Variants in C2 observed in about 807,000 individuals in gnomAD.
C2 encodes the protein C3/C5 convertase.
Under a neutral mutation model 85.2 loss-of-function variants are expected in C2, and 64 were observed. The observed-to-expected ratio is 0.75, with a 90% CI of 0.61 to 0.92. The LOEUF (loss-of-function observed/expected upper bound fraction) is 0.92, where lower values mean the gene tolerates loss of function less well. C2 is among the 40% of genes least tolerant of loss of function. C2 has a pLI of 0.00. For missense variants in C2, 820 were observed against 971.6 expected (o/e 0.84, Z 2.07); for synonymous variants, 311 against 370.8 (o/e 0.84, Z 1.85).
intron 3 of C2, among the ~76,000 whole-genome samples, chr6:31,931,935 CG>C (rs1354975756): frequency 1.1e-5 from 1 of 90,538 alleles, no homozygotes; most frequent in African/African-American, 3.1e-5. Context: ...GCTGGCCGGG[CG>C]GGGGGCTGAT....
Position 31,937,543 on chromosome 6 carries a change from C to T in C2, c.1129+84C>T, listed in dbSNP as rs543865221. 7.4e-5 allele frequency: 114 copies of T among 1,539,084 alleles called. 2 individuals carry two copies. The South Asian group carries it at 1.3e-3, about 17-fold the overall frequency. ...CAGAAGCCCTGAATTCTGATTCTCC[C>T]TCTGCCTGCCACTTTGGGCCCCAGT... is the stretch of plus-strand genomic sequence containing the variant. On this transcript the variant is annotated intron_variant, in intron 8 of 17. Coordinates refer to ENST00000299367, the MANE Select transcript of C2 (RefSeq NM_000063.6).
At position 31,928,842 on chromosome 6, in the gene C2, T is replaced by C; in HGVS notation, c.367T>C (p.Leu123=). The C allele has an allele frequency of 6.2e-7, 1 of 1,614,266 alleles. No individual in the cohort carries two copies. Among genetic ancestry groups the C allele is most frequent in the Non-Finnish European group, 8.5e-7 (1 of 1,180,042 alleles). ...VSFECEDGFI[L]RGSPVRQCRP... ...CTTCGAGTGTGAGGATGGCTTCATA[T>C]TGCGGGGCTCGCCTGTGCGTCAGTG... Residue 123 remains leucine (L), a synonymous_variant, in exon 3 of 18, where the codon TTG becomes CTG. Coordinates refer to ENST00000299367, the MANE Select transcript of C2 (RefSeq NM_000063.6).
At chr6:31,939,451 G>C (rs1234356974) in intron 9 of C2, 131 bp downstream of exon 9, 1 of 726,628 alleles carries the variant, frequency 1.4e-6, no homozygotes, top group Non-Finnish European at 2.4e-6. Context: ...TCTGTACAAA[G>C]GCAACTCATG....
chr6:31,919,421 A>G (rs1768807866), upstream of C2, among the ~76,000 whole-genome samples: 2 of 152,362 alleles, frequency 1.3e-5, no homozygotes, highest in South Asian at 4.1e-4. Context: ...CTGGGATTAC[A>G]GGCGTGAGCC....
At position 31,927,834 on chromosome 6, in the gene C2, T is replaced by C; in HGVS notation, c.46+36T>C. On this transcript the variant is annotated intron_variant, in intron 1 of 17. Coordinates refer to ENST00000299367, the MANE Select transcript of C2 (RefSeq NM_000063.6). This position sits in a 1 kb window ranked among gnomAD's most constrained non-coding sequence, Gnocchi z 4.7. ...GGGAAGGGGGAACGTCAGGGTCCTG[T>C]GTGTGAGGTTGGTGCTCCCAGCTTG... The C allele has an allele frequency of 5.6e-6, 9 of 1,607,052 alleles. No individual in the cohort carries two copies. Among genetic ancestry groups the C allele is most frequent in the Non-Finnish European group, 7.7e-6 (9 of 1,173,562 alleles).
chr6:31,932,714 G>A (rs900431699), intron 3 of C2, among the ~76,000 whole-genome samples: 1 of 152,084 alleles, frequency 6.6e-6, no homozygotes, highest in Non-Finnish European at 1.5e-5. Context: ...CAGACGGGGT[G>A]GCGGCCGGGC....
At chr6:31,901,984 G>A (rs1767351149) in intron 1 of C2, 1 of 148,508 alleles carries the variant, frequency 6.7e-6, no homozygotes, top group Non-Finnish European at 1.5e-5. Flanking sequence ...GGCCGGCTCC[G>A]CGTGGGCGTA....
upstream of C2, chr6:31,900,379 GC>G: frequency 1.3e-6 from 2 of 1,541,770 alleles, no homozygotes; most frequent in Non-Finnish European, 1.7e-6. The surrounding 1 kb of genome is among the most constrained non-coding windows in gnomAD (Gnocchi z 9.7). Context: ...CCCCCAGGCT[GC>G]CCCCCGCCCC....
In C2 at chr6:31,928,081, C is replaced by G; in HGVS notation, c.173C>G (p.Ser58Cys). ...TYSCPQGLYP[S>C]PASRLCKSSG... ...TCCTGCCCCCAGGGCCTGTACCCAT[C>G]CCCAGCATCACGGCTGTGCAAGAGC... Residue 58 changes from serine to cysteine, a missense_variant, in exon 2 of 18, where the codon TCC becomes TGC. Coordinates refer to ENST00000299367, the MANE Select transcript of C2 (RefSeq NM_000063.6). 6.2e-7 allele frequency: 1 copy of G among 1,614,118 alleles called. No individual in the cohort carries two copies. Among genetic ancestry groups the G allele is most frequent in the Non-Finnish European group, 8.5e-7 (1 of 1,180,008 alleles).
intron 6 of C2, 146 bp downstream of exon 6, chr6:31,934,445 G>T (rs1770243327): frequency 3.1e-6 from 4 of 1,285,582 alleles, no homozygotes; most frequent in South Asian, 1.2e-5. Flanking sequence ...TAGGAATCAT[G>T]AATTCAATTT....
At chr6:31,940,613 C>G (rs1178596713) in intron 9 of C2, among the ~76,000 whole-genome samples, 1 of 152,202 alleles carries the variant, frequency 6.6e-6, no homozygotes, top group Non-Finnish European at 1.5e-5. Context: ...ACACTGCCCC[C>G]TCCCCCATCA....
At chr6:31,942,194 C>T (rs1770944309) in intron 9 of C2, among the ~76,000 whole-genome samples, 1 of 148,710 alleles carries the variant, frequency 6.7e-6, no homozygotes, top group African/African-American at 2.5e-5. Context: ...GATCTTGGCT[C>T]ACCACAACCA....
chr6:31,933,806 T>C (rs759972430), intron 4 of C2, 23 bp downstream of exon 4: 31 of 1,613,468 alleles, frequency 1.9e-5, no homozygotes, highest in Non-Finnish European at 2.5e-5. Flanking sequence ...CCTGCCCTCC[T>C]GAGATTCCTC....
At chr6:31,933,249 G>T (rs1770073506) in intron 3 of C2, among the ~76,000 whole-genome samples, 1 of 152,170 alleles carries the variant, frequency 6.6e-6, no homozygotes, top group Non-Finnish European at 1.5e-5. Context: ...TCACAGGCTG[G>T]CATATGTTTA....
chr6:31,900,367 C>T (rs755111104), upstream of C2: 20 of 1,563,990 alleles, frequency 1.3e-5, no homozygotes, highest in Admixed American at 2.1e-4. The surrounding 1 kb of genome is among the most constrained non-coding windows in gnomAD (Gnocchi z 9.7). Flanking sequence ...GGCTGCCCCC[C>T]GCCCCCAGGC....
upstream of C2, among the ~76,000 whole-genome samples, chr6:31,899,003 C>T (rs1766946107): frequency 1.3e-5 from 2 of 151,710 alleles, no homozygotes; most frequent in Admixed American, 1.3e-4. Context: ...ATTAAGAACG[C>T]AGCATCACAG....
chr6:31,931,872 G>A (rs1396225824), intron 3 of C2, among the ~76,000 whole-genome samples: 1 of 149,970 alleles, frequency 6.7e-6, no homozygotes, highest in Non-Finnish European at 1.5e-5. Context: ...TCCCGGACAG[G>A]GCGGCTGGCC....
upstream of C2, among the ~76,000 whole-genome samples, chr6:31,923,328 C>T (rs964979980): frequency 6.6e-6 from 1 of 152,054 alleles, no homozygotes; most frequent in African/African-American, 2.4e-5. Flanking sequence ...TGATGGAGAC[C>T]CTGTTTCAAC....
In C2 at chr6:31,931,424, T is replaced by C. The variant is rs543897834; in HGVS notation, c.443-2186T>C. 3.6e-3 allele frequency among the ~76,000 whole-genome samples: 539 copies of C among 151,670 alleles called. 7 individuals are homozygous for C. Among genetic ancestry groups the C allele is most frequent in the African/African-American group, 0.012 (503 of 41,306 alleles). On this transcript the variant is annotated intron_variant, in intron 3 of 17. Coordinates refer to ENST00000299367, the MANE Select transcript of C2 (RefSeq NM_000063.6). ...AGGACCCTGCGGCCTTCCGCAGTGT[T>C]TGTGTCCCTGGGTACTTGAGATTAG...
Sources: gnomAD v4.1 joint callset for allele counts (sites outside exome capture counted in the v4.1 genomes callset) on GRCh38, gnomAD v4.1.1 for gene constraint, Gnocchi (gnomAD v3.1) non-coding constraint, MANE v1.5 for transcripts, NCBI Gene and HGNC (gene_info 2026-07-23, HGNC 2026-07-21) for gene names.